The following B3GALT1 variants were observed in gnomAD, a reference collection of about 807,000 sequenced individuals.
B3GALT1 encodes the protein UDP-Gal:betaGlcNAc beta 1,3-galactosyltransferase, polypeptide 1.
A neutral mutation model predicts 23.2 loss-of-function variants in B3GALT1; 10 were observed. That is an observed-to-expected ratio of 0.43 (90% confidence interval 0.27 to 0.73). The LOEUF is 0.73. Among genes scored for constraint, B3GALT1 ranks in the 30% least tolerant of loss-of-function variants. The pLI, the probability that B3GALT1 is intolerant of heterozygous loss-of-function variation, is 0.21. For missense variants in B3GALT1, 299 were observed against 405.4 expected (o/e 0.74, Z 2.25); for synonymous variants, 156 against 141.5 (o/e 1.10, Z -0.73).
chr2:167,713,752 G>T, intron 3 of B3GALT1: 1 of 1,584,614 alleles, frequency 6.3e-7, no homozygotes, highest in South Asian at 1.1e-5. Context: ...AGAATGTGGG[G>T]TTGGGGTAAA....
intron 4 of B3GALT1, among the ~76,000 whole-genome samples, chr2:167,862,354 G>A (rs1451243084): frequency 2.0e-5 from 3 of 152,202 alleles, no homozygotes; most frequent in Non-Finnish European, 4.4e-5. Context: ...AGAAGCACTG[G>A]TGTCTGAGCT....
chr2:167,518,449 AAAAG>A (rs1320867798), intron 2 of B3GALT1, among the ~76,000 whole-genome samples: 2 of 152,194 alleles, frequency 1.3e-5, no homozygotes, highest in African/African-American at 2.4e-5. Flanking sequence ...GAATAACTGA[AAAAG>A]AAAAATATTT....
intron 1 of B3GALT1, among the ~76,000 whole-genome samples, chr2:167,385,459 T>C (rs149698688): frequency 7.7e-4 from 117 of 152,016 alleles, no homozygotes; most frequent in African/African-American, 2.3e-3. Flanking sequence ...TCCCTGGCAC[T>C]AATAGAGTAC....
At chr2:167,452,847 T>C (rs1699110010) in intron 1 of B3GALT1, among the ~76,000 whole-genome samples, 1 of 152,210 alleles carries the variant, frequency 6.6e-6, no homozygotes, top group Non-Finnish European at 1.5e-5. Context: ...AATATAACTC[T>C]GGTTCTTAAC....
At chr2:167,407,124 A>G (rs1408993423) in intron 1 of B3GALT1, among the ~76,000 whole-genome samples, 4 of 152,240 alleles carry the variant, frequency 2.6e-5, no homozygotes, top group Non-Finnish European at 5.9e-5. Context: ...TTTAAAAAAT[A>G]GAAATCATAT....
intron 2 of B3GALT1, among the ~76,000 whole-genome samples, chr2:167,491,482 G>GTTTTTT (rs1491334969): frequency 2.0e-5 from 2 of 97,596 alleles, no homozygotes; most frequent in African/African-American, 8.2e-5. Flanking sequence ...TTTTACTTTT[G>GTTTTTT]CTTTTTTTTT....
chr2:167,528,521 A>G (rs1683260839), intron 2 of B3GALT1, among the ~76,000 whole-genome samples: 1 of 152,120 alleles, frequency 6.6e-6, no homozygotes, highest in Non-Finnish European at 1.5e-5. Flanking sequence ...ACAAGAGTGT[A>G]TAGTCCATAG....
intron 2 of B3GALT1, among the ~76,000 whole-genome samples, chr2:167,574,559 A>T (rs566164045): frequency 6.6e-6 from 1 of 151,882 alleles, no homozygotes; most frequent in African/African-American, 2.4e-5. Flanking sequence ...CTACAATTTC[A>T]CTTGGATATC....
At chr2:167,440,389 C>T (rs368698245) in intron 1 of B3GALT1, among the ~76,000 whole-genome samples, 1 of 144,802 alleles carries the variant, frequency 6.9e-6, no homozygotes, top group East Asian at 2.0e-4. Flanking sequence ...TGTTCATAAA[C>T]CCTAACATTT....
intron 1 of B3GALT1, among the ~76,000 whole-genome samples, chr2:167,344,088 A>G (rs898790049): frequency 1.3e-5 from 2 of 152,218 alleles, no homozygotes; most frequent in African/African-American, 4.8e-5. Context: ...TACAAAAAAT[A>G]CTCATATAAA....
intron 3 of B3GALT1, among the ~76,000 whole-genome samples, chr2:167,777,284 G>T (rs1380007863): frequency 6.6e-6 from 1 of 152,126 alleles, no homozygotes; most frequent in Non-Finnish European, 1.5e-5. Context: ...AATTATGAAT[G>T]ATCATTATGA....
chr2:167,847,367 G>C (rs565169148), intron 4 of B3GALT1, among the ~76,000 whole-genome samples: 1 of 152,236 alleles, frequency 6.6e-6, no homozygotes. Flanking sequence ...ACTTAAGAAA[G>C]TTGAAATTAT....
chr2:167,563,375 T>G (rs1316365375), intron 2 of B3GALT1, among the ~76,000 whole-genome samples: 1 of 109,736 alleles, frequency 9.1e-6, no homozygotes, highest in Non-Finnish European at 1.8e-5. Context: ...CCCACCTCCC[T>G]CCCTCCCGGA....
intron 1 of B3GALT1, among the ~76,000 whole-genome samples, chr2:167,322,277 A>G (rs1444780004): frequency 1.3e-5 from 2 of 151,850 alleles, no homozygotes; most frequent in Non-Finnish European, 2.9e-5. Context: ...ATTCCTAAAA[A>G]TATATTTAAT....
chr2:167,747,247 G>T (rs1262035160), intron 3 of B3GALT1, among the ~76,000 whole-genome samples: 2 of 152,178 alleles, frequency 1.3e-5, no homozygotes, highest in Admixed American at 6.5e-5. Flanking sequence ...AAGGCTGTCT[G>T]ACCCTTGATG....
chr2:167,369,861 G>C (rs894922938), intron 1 of B3GALT1, among the ~76,000 whole-genome samples: 2 of 152,118 alleles, frequency 1.3e-5, no homozygotes, highest in Non-Finnish European at 2.9e-5. Context: ...ATTCAGCACA[G>C]TGCAGATAAA....
At chr2:167,439,847 A>G (rs1478890826) in intron 1 of B3GALT1, among the ~76,000 whole-genome samples, 1 of 150,794 alleles carries the variant, frequency 6.6e-6, no homozygotes, top group African/African-American at 2.4e-5. Context: ...TTACAGTTTC[A>G]GCCTCAATGT....
chr2:167,407,646 A>G (rs541358115), intron 1 of B3GALT1, among the ~76,000 whole-genome samples: 10 of 152,250 alleles, frequency 6.6e-5, no homozygotes, highest in Non-Finnish European at 1.2e-4. Context: ...AAAATGAAAA[A>G]GGAGACGTAA....
chr2:167,672,401 C>A (rs570257281), intron 3 of B3GALT1, among the ~76,000 whole-genome samples: 1 of 152,290 alleles, frequency 6.6e-6, no homozygotes, highest in East Asian at 1.9e-4. Context: ...GGGTTTACAT[C>A]CTCTGATCTA....
Sources: allele counts gnomAD v4.1 joint callset (sites outside exome capture counted in the v4.1 genomes callset), GRCh38; gene constraint gnomAD v4.1.1; transcripts MANE v1.5; gene names NCBI Gene and HGNC (gene_info 2026-07-23, HGNC 2026-07-21).